The following DLC1 variants were observed in gnomAD, a reference collection of about 807,000 sequenced individuals.
The protein encoded by DLC1 is rho GTPase-activating protein 7.
A neutral mutation model predicts 140.3 loss-of-function variants in DLC1; 54 were observed. The observed-to-expected ratio is 0.38, with a 90% CI of 0.31 to 0.48. The LOEUF (loss-of-function observed/expected upper bound fraction) is 0.48. Ranked by LOEUF, DLC1 falls within the 20% of genes least tolerant of loss-of-function variation. The probability of loss-of-function intolerance (pLI) is 0.96; values close to 1 mark genes in which losing one functional copy is unlikely to be tolerated. For synonymous variants in DLC1, 986 were observed against 728.1 expected (o/e 1.35, Z -5.70); for missense variants, 2,536 against 1,907.0 (o/e 1.33, Z -6.14).
chr8:13,544,003 A>C (rs1803571487), intron 1 of DLC1, among the ~76,000 whole-genome samples: 1 of 152,130 alleles, frequency 6.6e-6, no homozygotes, highest in African/African-American at 2.4e-5. Flanking sequence ...AAACAAAAAA[A>C]TACAAAAATT....
chr8:13,519,421 C>T (rs1005740829), upstream of DLC1, among the ~76,000 whole-genome samples: 1 of 152,158 alleles, frequency 6.6e-6, no homozygotes, highest in Non-Finnish European at 1.5e-5. Flanking sequence ...AGCTGCCGCT[C>T]CTGGCTCATG....
intron 5 of DLC1, among the ~76,000 whole-genome samples, chr8:13,198,577 G>A (rs1212149571): frequency 6.6e-6 from 1 of 152,088 alleles, no homozygotes; most frequent in Non-Finnish European, 1.5e-5. Context: ...TTTAGATTTT[G>A]GGTTGGCTTT....
intron 1 of DLC1, among the ~76,000 whole-genome samples, chr8:13,549,692 C>G (rs913767845): frequency 6.6e-6 from 1 of 152,084 alleles, no homozygotes; most frequent in African/African-American, 2.4e-5. Flanking sequence ...AATAGGCCTG[C>G]CTGGCTTCAG....
At chr8:13,272,673 A>G (rs1016440925) in intron 5 of DLC1, among the ~76,000 whole-genome samples, 1 of 152,064 alleles carries the variant, frequency 6.6e-6, no homozygotes, top group Admixed American at 6.5e-5. Flanking sequence ...CATCCTGGCT[A>G]ACACGGTGAA....
At chr8:13,526,897 T>G (rs1802935515) in intron 1 of DLC1, among the ~76,000 whole-genome samples, 1 of 152,202 alleles carries the variant, frequency 6.6e-6, no homozygotes, top group African/African-American at 2.4e-5. Flanking sequence ...GTTGTGCACA[T>G]GTACCTTAGA....
At chr8:13,386,178 A>C (rs1026497624) in intron 4 of DLC1, among the ~76,000 whole-genome samples, 1 of 152,178 alleles carries the variant, frequency 6.6e-6, no homozygotes, top group African/African-American at 2.4e-5. Context: ...AGTACTATTC[A>C]TATGACTAAA....
At chr8:13,413,064 G>T (rs1019769067) in intron 2 of DLC1, among the ~76,000 whole-genome samples, 4 of 151,962 alleles carry the variant, frequency 2.6e-5, no homozygotes, top group Non-Finnish European at 5.9e-5. Context: ...CTTGTGCGGG[G>T]CATAACCTGC....
intron 5 of DLC1, among the ~76,000 whole-genome samples, chr8:13,274,407 C>G (rs938348507): frequency 1.3e-5 from 2 of 152,208 alleles, no homozygotes; most frequent in African/African-American, 2.4e-5. Flanking sequence ...GAGGTCCATA[C>G]TGCTCTTAGA....
At chr8:13,138,453 A>G (rs968108008) in intron 5 of DLC1, among the ~76,000 whole-genome samples, 1 of 152,234 alleles carries the variant, frequency 6.6e-6, no homozygotes, top group African/African-American at 2.4e-5. Context: ...CCTCTGCTCT[A>G]GTGATATGAG....
intron 4 of DLC1, among the ~76,000 whole-genome samples, chr8:13,376,032 T>C (rs1165121985): frequency 6.6e-6 from 1 of 152,198 alleles, no homozygotes; most frequent in Non-Finnish European, 1.5e-5. Context: ...GTTTAAATCA[T>C]GTTGCTCCAA....
chr8:13,273,077 G>C (rs1309591217), intron 5 of DLC1, among the ~76,000 whole-genome samples: 1 of 152,092 alleles, frequency 6.6e-6, no homozygotes. Flanking sequence ...CATTTAAAAA[G>C]ATTATTCTGA....
intron 1 of DLC1, among the ~76,000 whole-genome samples, chr8:13,540,573 C>T (rs1223278801): frequency 6.6e-6 from 1 of 152,168 alleles, no homozygotes; most frequent in African/African-American, 2.4e-5. Flanking sequence ...AGACTGTAGG[C>T]TTTGGTTATA....
intron 2 of DLC1, among the ~76,000 whole-genome samples, chr8:13,437,457 G>T (rs143219537): frequency 6.6e-6 from 1 of 152,136 alleles, no homozygotes; most frequent in African/African-American, 2.4e-5. Flanking sequence ...GAGTTCGATC[G>T]TATGCATGAT....
At chr8:13,220,320 C>T (rs2117152344) in intron 5 of DLC1, among the ~76,000 whole-genome samples, 1 of 152,016 alleles carries the variant, frequency 6.6e-6, no homozygotes, top group Admixed American at 6.6e-5. Context: ...TTTGAATTTG[C>T]AGCAAAGGAT....
At chr8:13,334,127 T>C (rs1003029664) in intron 4 of DLC1, among the ~76,000 whole-genome samples, 1 of 152,146 alleles carries the variant, frequency 6.6e-6, no homozygotes, top group African/African-American at 2.4e-5. Flanking sequence ...TAGTCAAGGT[T>C]ACCAGGGACG....
intron 5 of DLC1, among the ~76,000 whole-genome samples, chr8:13,121,488 G>C (rs945220343): frequency 3.3e-5 from 5 of 152,182 alleles, no homozygotes; most frequent in African/African-American, 9.7e-5. Context: ...CTTGTAGTAA[G>C]GTAAGGAAAT....
intron 1 of DLC1, among the ~76,000 whole-genome samples, chr8:13,584,746 C>T (rs1805240247): frequency 6.6e-6 from 1 of 152,096 alleles, no homozygotes; most frequent in Non-Finnish European, 1.5e-5. Context: ...TTCCGAAGGG[C>T]AACTTTCGCT....
chr8:13,304,839 C>A (rs777064433), intron 5 of DLC1: 6 of 981,936 alleles, frequency 6.1e-6, no homozygotes, highest in Non-Finnish European at 6.0e-6. Flanking sequence ...ATTCACATTG[C>A]TTCATCACTA....
chr8:13,195,070 A>G (rs1343561778), intron 5 of DLC1, among the ~76,000 whole-genome samples: 1 of 152,198 alleles, frequency 6.6e-6, no homozygotes, highest in Non-Finnish European at 1.5e-5. Flanking sequence ...AATGCTTCAA[A>G]TACACTGAGA....
Sources: allele counts gnomAD v4.1 joint callset (sites outside exome capture counted in the v4.1 genomes callset), GRCh38; gene constraint gnomAD v4.1.1; transcripts MANE v1.5; gene names NCBI Gene and HGNC (gene_info 2026-07-23, HGNC 2026-07-21).